The following RAD51B variants were observed in gnomAD, a reference collection of about 807,000 sequenced individuals.
RAD51B encodes DNA repair protein RAD51 homolog 2.
In RAD51B, 38 loss-of-function variants were observed where a neutral mutation model predicts 42.2. The ratio of observed to expected loss-of-function variants is 0.90; its 90% CI spans 0.70 to 1.18. The LOEUF (loss-of-function observed/expected upper bound fraction) is 1.18. Among genes scored for constraint, RAD51B ranks in the 50% most tolerant of loss-of-function variants. The pLI is 0.00. For synonymous variants in RAD51B, 154 were observed against 145.2 expected (o/e 1.06, Z -0.43); for missense variants, 373 against 400.7 (o/e 0.93, Z 0.59).
At chr14:68,046,318 T>C (rs981928995) in intron 7 of RAD51B, among the ~76,000 whole-genome samples, 6 of 152,186 alleles carry the variant, frequency 3.9e-5, no homozygotes, top group Non-Finnish European at 8.8e-5. Flanking sequence ...AGTCTGACTT[T>C]GTTGCCCAAG....
chr14:68,121,919 TG>T (rs1484290442), intron 7 of RAD51B, among the ~76,000 whole-genome samples: 5 of 151,806 alleles, frequency 3.3e-5, no homozygotes, highest in African/African-American at 1.2e-4. Context: ...CAAAAATAAA[TG>T]TGGAAGGAGT....
chr14:68,508,692 T>C (rs895955992), intron 10 of RAD51B, among the ~76,000 whole-genome samples: 1 of 152,206 alleles, frequency 6.6e-6, no homozygotes, highest in African/African-American at 2.4e-5. Context: ...AGGCAGCAGC[T>C]TCCTTGGTGT....
At chr14:68,277,208 G>A (rs2139609152) in intron 7 of RAD51B, among the ~76,000 whole-genome samples, 1 of 152,248 alleles carries the variant, frequency 6.6e-6, no homozygotes, top group African/African-American at 2.4e-5. Flanking sequence ...CTTACGAGGA[G>A]CCTCACATTA....
chr14:68,550,878 T>G (rs2842329), intron 10 of RAD51B, among the ~76,000 whole-genome samples: 34,032 of 151,984 alleles, frequency 0.22, 4,449 homozygotes, highest in South Asian at 0.33. Context: ...TTCCAAAAAT[T>G]TAAAAAATAG....
chr14:67,990,054 G>A lies in RAD51B; in HGVS notation c.756+102850G>A, dbSNP rs183886545. On this transcript the variant is annotated intron_variant, in intron 7 of 10. Coordinates refer to ENST00000471583, the MANE Select transcript of RAD51B (RefSeq NM_133510.4). ...CGTTCTGTCACCAGGCTGGAGTGCA[G>A]TGGCGCAATCTCGGCTCACTGCAAC... is the stretch of plus-strand genomic sequence containing the variant. Among the ~76,000 whole-genome samples the A allele has an allele frequency of 3.1e-3, 447 of 144,974 alleles. 3 individuals are homozygous for A. The highest frequency in any genetic ancestry group is 5.3e-3 in the Non-Finnish European group (353 of 67,186).
At chr14:67,847,339 T>C (rs1013498097) in intron 4 of RAD51B, among the ~76,000 whole-genome samples, 1 of 149,928 alleles carries the variant, frequency 6.7e-6, no homozygotes, top group Non-Finnish European at 1.5e-5. Context: ...TTTTTTTTTT[T>C]TTTTTTTTTC....
At chr14:67,969,495 A>G (rs1200351833) in intron 7 of RAD51B, among the ~76,000 whole-genome samples, 1 of 152,068 alleles carries the variant, frequency 6.6e-6, no homozygotes, top group Non-Finnish European at 1.5e-5. Flanking sequence ...TCCTCCCTCC[A>G]TTGCTTCTGT....
chr14:68,155,489 GC>G (rs2140795096), intron 7 of RAD51B, among the ~76,000 whole-genome samples: 1 of 152,260 alleles, frequency 6.6e-6, no homozygotes, highest in African/African-American at 2.4e-5. Flanking sequence ...ACCGCGCCCG[GC>G]CTATATTTCT....
chr14:68,502,023 G>A (rs888159190), intron 10 of RAD51B, among the ~76,000 whole-genome samples: 35 of 152,140 alleles, frequency 2.3e-4, no homozygotes, highest in African/African-American at 7.0e-4. Flanking sequence ...GCCACAGCCC[G>A]GTCACCTTTA....
At chr14:68,023,359 A>G (rs561427255) in intron 7 of RAD51B, among the ~76,000 whole-genome samples, 6 of 151,770 alleles carry the variant, frequency 4.0e-5, no homozygotes, top group Admixed American at 3.9e-4. Context: ...TTTTTTTGAG[A>G]CAGTCTCCCT....
In RAD51B at chr14:68,273,245, GAGGAGGCTGCTATCCAGAGTC is replaced by G. The variant is rs1227701526; in HGVS notation, c.757-18634_757-18614del. On this transcript the variant is annotated intron_variant, in intron 7 of 10. Coordinates refer to ENST00000471583, the MANE Select transcript of RAD51B (RefSeq NM_133510.4). ...TAAGGTTAGGGCAGCTCCTGAGCAG[GAGGAGGCTGCTATCCAGAGTC>G]AGGAAGTCTCCCAAGGTGTTTTTTG... Among the ~76,000 whole-genome samples the G allele has an allele frequency of 3.3e-5, 5 of 152,240 alleles. No homozygotes were observed. The East Asian group carries it at 7.7e-4, about 24-fold the overall frequency.
chr14:68,589,010 G>A (rs1360875354), intron 10 of RAD51B, among the ~76,000 whole-genome samples: 1 of 152,186 alleles, frequency 6.6e-6, no homozygotes, highest in Non-Finnish European at 1.5e-5. Flanking sequence ...CCAGGTACCA[G>A]TTGGGTGACC....
At chr14:68,395,845 T>C (rs2083901735) in intron 8 of RAD51B, among the ~76,000 whole-genome samples, 1 of 152,236 alleles carries the variant, frequency 6.6e-6, no homozygotes, top group Non-Finnish European at 1.5e-5. Flanking sequence ...TCTTTAAGAA[T>C]AATGATGACA....
chr14:68,422,230 G>A lies in RAD51B; in HGVS notation c.957+10703G>A, dbSNP rs61064711. 3,934 of 908,134 alleles carry A rather than the reference G, an allele frequency of 4.3e-3. 95 individuals are homozygous for A. The African/African-American group carries it at 0.053, about 12-fold the overall frequency. The allele number at this position is 908,134 out of a possible 1,614,324, so 56.3% of individuals were successfully genotyped here. The stretch of plus-strand genomic sequence containing the variant: ...GTACACGGTTTTCCTCAGCGGTGGC[G>A]TCCGCAGAGCACCCAAATTCTTAAT... On this transcript the variant is annotated intron_variant, in intron 9 of 10. Coordinates refer to ENST00000471583, the MANE Select transcript of RAD51B (RefSeq NM_133510.4).
At chr14:67,935,727 A>G (rs2044917112) in intron 7 of RAD51B, among the ~76,000 whole-genome samples, 1 of 152,166 alleles carries the variant, frequency 6.6e-6, no homozygotes, top group South Asian at 2.1e-4. Context: ...GCCCAGCTGC[A>G]GTCTTCTTGT....
intron 7 of RAD51B, among the ~76,000 whole-genome samples, chr14:68,107,779 T>G (rs1458199100): frequency 1.3e-5 from 2 of 151,808 alleles, no homozygotes; most frequent in African/African-American, 4.8e-5. Flanking sequence ...AGAACGAAGT[T>G]GAATTGGTAC....
intron 10 of RAD51B, among the ~76,000 whole-genome samples, chr14:68,521,319 T>C (rs1566924439): frequency 6.6e-6 from 1 of 152,204 alleles, no homozygotes; most frequent in Admixed American, 6.5e-5. Flanking sequence ...CACTCCTCCC[T>C]TCTCATGAGC....
Position 68,344,600 on chromosome 14 carries a change from T to A in RAD51B, c.853+52620T>A, listed in dbSNP as rs570224696. On this transcript the variant is annotated intron_variant, in intron 8 of 10. Coordinates refer to ENST00000471583, the MANE Select transcript of RAD51B (RefSeq NM_133510.4). ...AGGCGGAGCTTGCAGTGAGCAAAGA[T>A]CACGCCACTGCACTCCAGCCTGGGC... Among the ~76,000 whole-genome samples, 107 of 149,824 alleles carry A rather than the reference T, an allele frequency of 7.1e-4. 1 individual carries two copies. The highest frequency in any genetic ancestry group is 1.2e-3 in the Non-Finnish European group (79 of 67,630).
chr14:68,049,083 T>G (rs1301328370), intron 7 of RAD51B, among the ~76,000 whole-genome samples: 10 of 151,966 alleles, frequency 6.6e-5, no homozygotes, highest in African/African-American at 2.4e-4. Flanking sequence ...CTGGAAACCA[T>G]CATTCTCAGC....
Sources: gnomAD v4.1 joint callset for allele counts (sites outside exome capture counted in the v4.1 genomes callset) on GRCh38, gnomAD v4.1.1 for gene constraint, MANE v1.5 for transcripts, NCBI Gene and HGNC (gene_info 2026-07-23, HGNC 2026-07-21) for gene names.